Variants in DDX55 observed in about 807,000 individuals in gnomAD.
The protein encoded by DDX55 is DEAD-box helicase 55, also known as ATP-dependent RNA helicase DDX55.
In DDX55, 56 loss-of-function variants were observed where a neutral mutation model predicts 69.2. That is an observed-to-expected ratio of 0.81 (90% CI 0.65 to 1.01). DDX55 has a LOEUF of 1.01. Ranked by LOEUF, DDX55 falls within the 50% of genes least tolerant of loss-of-function variation. The pLI is 0.00. For missense variants in DDX55, 720 were observed against 745.1 expected (o/e 0.97, Z 0.39); for synonymous variants, 268 against 273.1 (o/e 0.98, Z 0.18).
chr12:123,616,665 C>T lies in DDX55; in HGVS notation c.1049+62C>T, dbSNP rs1954692202. 3 of 1,506,012 alleles carry T rather than the reference C, an allele frequency of 2.0e-6. No homozygotes were observed. The Admixed American group carries it at 5.0e-5, about 25-fold the overall frequency. 93.3% of individuals were successfully genotyped at this position (1,506,012 alleles called of 1,614,324 possible). A position where few individuals can be genotyped will look rare whatever the true frequency, so the allele number is the denominator to read the frequency against. On this transcript the variant is annotated intron_variant, in intron 10 of 13. Coordinates refer to ENST00000238146, the MANE Select transcript of DDX55 (RefSeq NM_020936.3). ...AATTTAGCCTAATAAAGGAGGAATCCCGAAGAAGATAAACAGATAATGATG... is the reference window on the plus strand; with the variant it reads ...AATTTAGCCTAATAAAGGAGGAATCTCGAAGAAGATAAACAGATAATGATG...
chr12:123,614,691 G>T (rs961623711), intron 8 of DDX55, among the ~76,000 whole-genome samples: 1 of 152,124 alleles, frequency 6.6e-6, no homozygotes, highest in African/African-American at 2.4e-5. Flanking sequence ...GGATGACTCA[G>T]CTCCAAGTCC....
At chr12:123,605,651 T>C in intron 1 of DDX55, 3 of 528,484 alleles carry the variant, frequency 5.7e-6, no homozygotes, top group South Asian at 3.8e-5. Flanking sequence ...TAAAACCCAA[T>C]GTCTTCAACG....
chr12:123,607,727 G>A, intron 5 of DDX55, 65 bp downstream of exon 5: 1 of 1,610,460 alleles, frequency 6.2e-7, no homozygotes, highest in Non-Finnish European at 8.5e-7. Flanking sequence ...GAATCGATGT[G>A]TGATCTCAGC....
chr12:123,609,199 A>C (rs1034020228), intron 6 of DDX55, among the ~76,000 whole-genome samples: 1 of 151,830 alleles, frequency 6.6e-6, no homozygotes, highest in Admixed American at 6.6e-5. Context: ...TGATCCTCCT[A>C]CCTAGGGTAC....
In DDX55 at chr12:123,615,304, G is replaced by A. The variant is rs1481946540; in HGVS notation, c.944G>A (p.Arg315His). ...CGCAATAAGATCTTCATGGAGTTCC[G>A]CAAATTGCAAAGGTGGGTGGGCTTC... ...YKRNKIFMEF[R>H]KLQSGILVCT... is the part of the protein sequence containing the mutation. The change falls in exon 9 of 14, where the codon CGC becomes CAC. Residue 315 changes from arginine to histidine, a missense_variant. By Grantham distance (29) the Arg-to-His change is conservative. Transcript: ENST00000238146. The A allele has an allele frequency of 4.3e-6, 7 of 1,613,562 alleles. No homozygotes were observed. Among genetic ancestry groups the A allele is most frequent in the Non-Finnish European group, 5.9e-6 (7 of 1,179,692 alleles).
intron 9 of DDX55, 101 bp downstream of exon 9, chr12:123,615,417 GTCTTTC>G: frequency 6.7e-7 from 1 of 1,495,102 alleles, no homozygotes; most frequent in African/African-American, 1.4e-5. Context: ...CGCATGTGTT[GTCTTTC>G]CTGCCTGGAA....
At chr12:123,607,281 T>G in intron 3 of DDX55, 151 bp from the exon 4 acceptor site, 1 of 751,772 alleles carries the variant, frequency 1.3e-6, no homozygotes, top group South Asian at 1.8e-5. Flanking sequence ...TTCAAAGTAG[T>G]TGATATGTGC....
chr12:123,620,147 T>C lies in DDX55; in HGVS notation c.*7T>C. 6.2e-7 allele frequency: 1 copy of C among 1,612,250 alleles called. No individual in the cohort carries two copies. Among genetic ancestry groups the C allele is most frequent in the Middle Eastern group, 1.7e-4 (1 of 6,054 alleles). On this transcript the variant is annotated 3_prime_UTR_variant, in exon 14 of 14. Transcript: ENST00000238146. ...TTTGGAAGATGACTGCTGATTCCAGTGCCACAGATGAACCCACAAGGACAT... is the reference window on the plus strand; with the variant it reads ...TTTGGAAGATGACTGCTGATTCCAGCGCCACAGATGAACCCACAAGGACAT...
intron 1 of DDX55, 51 bp downstream of exon 1, chr12:123,602,307 C>T (rs1243066873): frequency 1.4e-6 from 2 of 1,467,268 alleles, no homozygotes; most frequent in Admixed American, 2.1e-5. Context: ...GGCAGGCACC[C>T]GCTGCATCGG....
chr12:123,615,315 A>AG lies in DDX55; in HGVS notation c.956+1dup. 6.2e-7 allele frequency: 1 copy of AG among 1,613,606 alleles called. No homozygotes were observed. Among genetic ancestry groups the AG allele is most frequent in the Non-Finnish European group, 8.5e-7 (1 of 1,179,662 alleles). ...CTTCATGGAGTTCCGCAAATTGCAAAGGTGGGTGGGCTTCATTGAAGGTAG... is the reference window on the plus strand; with the variant it reads ...CTTCATGGAGTTCCGCAAATTGCAAAGGGTGGGTGGGCTTCATTGAAGGTAG... On this transcript the variant is annotated frameshift_variant and splice_region_variant, in exon 9 of 14. Coordinates refer to ENST00000238146, the MANE Select transcript of DDX55 (RefSeq NM_020936.3). LOFTEE classifies it high-confidence loss of function.
At chr12:123,616,934 C>G (rs1020884150) in intron 10 of DDX55, 4 of 277,810 alleles carry the variant, frequency 1.4e-5, no homozygotes, top group Non-Finnish European at 2.8e-5. Context: ...GCAGGTGAAT[C>G]GTTTGAGCCC....
Position 123,608,679 on chromosome 12 carries a change from G to A in DDX55, c.402-1G>A. The A allele has an allele frequency of 2.5e-6, 4 of 1,612,188 alleles. No individual in the cohort carries two copies. The highest frequency in any genetic ancestry group is 3.4e-6 in the Non-Finnish European group (4 of 1,179,250). ...GGTAAATGTTAACTTTCTTTCCAAA[G>A]TGGGAACATCATTGTGGCCACTCCA... is the stretch of plus-strand genomic sequence containing the variant. On this transcript the variant is annotated splice_acceptor_variant, in intron 5 of 13. Transcript: ENST00000238146. LOFTEE classifies it high-confidence loss of function.
chr12:123,613,924 G>C (rs1954459552), intron 8 of DDX55, among the ~76,000 whole-genome samples: 1 of 152,160 alleles, frequency 6.6e-6, no homozygotes. Context: ...CTTTGGACTG[G>C]TTGGTTCTTT....
At chr12:123,617,915 G>C in intron 11 of DDX55, 43 bp downstream of exon 11, 1 of 1,569,880 alleles carries the variant, frequency 6.4e-7, no homozygotes, top group African/African-American at 1.4e-5. Flanking sequence ...TAGTGACGGG[G>C]TAGCTGGAAA....
At position 123,620,084 on chromosome 12, in the gene DDX55, A is replaced by G. The variant is rs774546102; in HGVS notation, c.1747A>G (p.Lys583Glu). ...TGAGAAGGGCTTGTTGACAACTGGC[A>G]AAAGAACAATCAAGACAGTGGATTT... Reference protein sequence around the residue: ...EFEKGLLTTGKRTIKTVDLGI... With the variant: ...EFEKGLLTTGERTIKTVDLGI... Residue 583 changes from lysine (K) to glutamate (E), a missense_variant, in exon 14 of 14, where the codon AAA (lysine) becomes GAA (glutamate). By Grantham distance (56) the Lys-to-Glu change is moderately conservative. Coordinates refer to ENST00000238146, the MANE Select transcript of DDX55 (RefSeq NM_020936.3). 31 of 1,614,072 alleles carry G rather than the reference A, an allele frequency of 1.9e-5. No individual in the cohort carries two copies. The highest frequency in any genetic ancestry group is 2.3e-5 in the Non-Finnish European group (27 of 1,180,032).
At chr12:123,613,811 C>T (rs1954451430) in intron 8 of DDX55, among the ~76,000 whole-genome samples, 1 of 152,062 alleles carries the variant, frequency 6.6e-6, no homozygotes. Context: ...GCCAGTGAAG[C>T]AAGAAGTGGT....
Position 123,609,947 on chromosome 12 carries a change from C to A in DDX55, c.560C>A (p.Thr187Asn), listed in dbSNP as rs1954110975. 6.2e-7 allele frequency: 1 copy of A among 1,613,268 alleles called. No individual in the cohort carries two copies. The highest frequency in any genetic ancestry group is 1.3e-5 in the African/African-American group (1 of 74,880). ...LDMGFEASIN[T>N]ILEFLPKQRR... The stretch of plus-strand genomic sequence containing the variant: ...AGCCCTCTTTTTATCAGCATCAACA[C>A]CATTCTGGAGTTTTTGCCAAAGCAG... Residue 187 changes from threonine (T) to asparagine (N), a missense_variant, in exon 7 of 14, where the codon ACC becomes AAC. Physicochemically the swap from Thr to Asn is moderately conservative, Grantham distance 65. Coordinates refer to ENST00000238146, the MANE Select transcript of DDX55 (RefSeq NM_020936.3).
In DDX55 at chr12:123,620,608, ATATATATATAT is replaced by A. The variant is rs1566211213; in HGVS notation, c.*469_*479del. The A allele has an allele frequency of 2.6e-3, 198 of 76,582 alleles. 6 individuals carry two copies. Among genetic ancestry groups the A allele is most frequent in the African/African-American group, 7.3e-3 (180 of 24,676 alleles). The allele number at this position is 76,582 out of a possible 1,614,324, so 4.7% of individuals were successfully genotyped here. A position where few individuals can be genotyped will look rare whatever the true frequency, so the allele number is the denominator to read the frequency against. ...TATATATATATATATATATATATAT[ATATATATATAT>A]ATATATATAAGCTCTTTTTTCTGAG... On this transcript the variant is annotated 3_prime_UTR_variant, in exon 14 of 14. Coordinates refer to ENST00000238146, the MANE Select transcript of DDX55 (RefSeq NM_020936.3).
At position 123,620,608 on chromosome 12, in the gene DDX55, ATATATATAT is replaced by A. The variant is rs1955065127; in HGVS notation, c.*469_*477del. 1 of 76,574 alleles carries A rather than the reference ATATATATAT, an allele frequency of 1.3e-5. No homozygotes were observed. Among genetic ancestry groups the A allele is most frequent in the African/African-American group, 4.1e-5 (1 of 24,646 alleles). The allele number at this position is 76,574 out of a possible 1,614,324, so 4.7% of individuals were successfully genotyped here. On this transcript the variant is annotated 3_prime_UTR_variant, in exon 14 of 14. Transcript: ENST00000238146. ...TATATATATATATATATATATATAT[ATATATATAT>A]ATATATATATAAGCTCTTTTTTCTG...
Sources: allele counts gnomAD v4.1 joint callset (sites outside exome capture counted in the v4.1 genomes callset), GRCh38; gene constraint gnomAD v4.1.1; transcripts MANE v1.5; gene names NCBI Gene and HGNC (gene_info 2026-07-23, HGNC 2026-07-21).